Variants in MAST2 observed in about 807,000 individuals in gnomAD.
MAST2 encodes the protein microtubule-associated serine/threonine-protein kinase 2.
In MAST2, 70 loss-of-function variants were observed where a neutral mutation model predicts 147.4. The observed-to-expected ratio is 0.47, with a 90% confidence interval of 0.39 to 0.58. The LOEUF (loss-of-function observed/expected upper bound fraction) is 0.58, where lower values mean the gene tolerates loss of function less well. Ranked by LOEUF, MAST2 falls within the 20% of genes least tolerant of loss-of-function variation. The pLI is 0.00. For missense variants in MAST2, 2,080 were observed against 2,302.3 expected, an observed-to-expected ratio of 0.90 and a Z score of 1.98; for synonymous variants, 869 against 896.8, an observed-to-expected ratio of 0.97 and a Z score of 0.55.
chr1:45,904,297 CT>C (rs1362090571), intron 4 of MAST2, among the ~76,000 whole-genome samples: 2 of 152,102 alleles, frequency 1.3e-5, no homozygotes, highest in African/African-American at 4.8e-5. Flanking sequence ...CCTCAGCCCC[CT>C]GAGTAGCTGG....
At chr1:46,003,766 C>T (rs1180194193) in intron 7 of MAST2, among the ~76,000 whole-genome samples, 4 of 152,130 alleles carry the variant, frequency 2.6e-5, no homozygotes, top group Non-Finnish European at 5.9e-5. Context: ...CACACCCAGC[C>T]GAGCAACTTT....
chr1:45,852,632 A>G (rs1335302185), intron 3 of MAST2, among the ~76,000 whole-genome samples: 1 of 151,760 alleles, frequency 6.6e-6, no homozygotes, highest in Non-Finnish European at 1.5e-5. Context: ...CAGCCTTCCA[A>G]AGTGTTGGAA....
intron 12 of MAST2, among the ~76,000 whole-genome samples, 194 bp downstream of exon 12, chr1:46,022,276 G>T (rs996282509): frequency 6.6e-6 from 1 of 152,204 alleles, no homozygotes; most frequent in Non-Finnish European, 1.5e-5. Context: ...GTTCACATCT[G>T]CCTGATAGAT....
rs1196491239 is a variant in MAST2, at chr1:46,025,711, G to T, written c.1815G>T (p.Gly605=). The change falls in exon 16 of 29, where the codon GGG becomes GGT. Residue 605 remains glycine (G), a synonymous_variant. Transcript: ENST00000361297. The part of the protein sequence containing the change: ...GDCATLLKNI[G]ALPVDMVRLY... ...GTGCCACTCTGCTGAAGAATATTGGGGCCCTGCCTGTGGACATGGTGCGTC... is the reference window on the plus strand; with the variant it reads ...GTGCCACTCTGCTGAAGAATATTGGTGCCCTGCCTGTGGACATGGTGCGTC... 6.2e-7 allele frequency: 1 copy of T among 1,614,166 alleles called. No individual in the cohort carries two copies. The highest frequency in any genetic ancestry group is 1.3e-5 in the African/African-American group (1 of 75,036).
At chr1:45,809,693 ACT>A (rs1644239098) in intron 1 of MAST2, among the ~76,000 whole-genome samples, 1 of 151,892 alleles carries the variant, frequency 6.6e-6, no homozygotes. Context: ...CCAAAAAGAA[ACT>A]CTTCTGCAAA....
chr1:45,836,548 A>T (rs1231680768), intron 3 of MAST2, among the ~76,000 whole-genome samples: 3 of 152,114 alleles, frequency 2.0e-5, no homozygotes. Context: ...AAACCCATAG[A>T]CGTTTGTTTT....
At chr1:45,986,404 A>G (rs1644618066) in intron 5 of MAST2, among the ~76,000 whole-genome samples, 1 of 151,870 alleles carries the variant, frequency 6.6e-6, no homozygotes. Context: ...ATTTGCTCCC[A>G]CCTCCCATTA....
At chr1:45,931,031 A>G (rs1216709569) in intron 4 of MAST2, among the ~76,000 whole-genome samples, 1 of 152,206 alleles carries the variant, frequency 6.6e-6, no homozygotes, top group African/African-American at 2.4e-5. Flanking sequence ...TTTTCATAAC[A>G]GTACAGCCAT....
intron 5 of MAST2, among the ~76,000 whole-genome samples, chr1:45,962,103 T>C (rs1275384837): frequency 6.6e-6 from 1 of 152,046 alleles, no homozygotes; most frequent in East Asian, 1.9e-4. Context: ...CATGAACTCA[T>C]CATTTTTTAT....
In MAST2 at chr1:45,910,112, GT is replaced by G. The variant is rs57335268; in HGVS notation, c.500+27731del. Among the ~76,000 whole-genome samples the G allele has an allele frequency of 1.0e-3, 143 of 141,246 alleles. No homozygotes were observed. In the East Asian group the frequency reaches 0.014, roughly 13 times the overall value. 92.7% of individuals were successfully genotyped at this position (141,246 alleles called of 152,430 possible). ...GTGTAAGTACTTTTTGTGTGCAGTT[GT>G]TTTTTTTTTTTTTCCCCAAATTTAA... On this transcript the variant is annotated intron_variant, in intron 4 of 28. Transcript: ENST00000361297.
intron 4 of MAST2, among the ~76,000 whole-genome samples, chr1:45,921,537 G>A (rs1404865741): frequency 6.6e-6 from 1 of 152,192 alleles, no homozygotes; most frequent in Admixed American, 6.5e-5. Flanking sequence ...TCCGGCCACT[G>A]CACGCAGTCA....
At chr1:45,871,213 C>G (rs1646378349) in intron 3 of MAST2, among the ~76,000 whole-genome samples, 1 of 140,860 alleles carries the variant, frequency 7.1e-6, no homozygotes, top group African/African-American at 2.7e-5. Flanking sequence ...CTATGCCTTA[C>G]TGTCCCCTTT....
chr1:45,818,329 C>A (rs866389313), intron 1 of MAST2, among the ~76,000 whole-genome samples: 1 of 152,164 alleles, frequency 6.6e-6, no homozygotes, highest in Non-Finnish European at 1.5e-5. Flanking sequence ...TTATTTGATG[C>A]AAGTTTGGCT....
intron 3 of MAST2, among the ~76,000 whole-genome samples, chr1:45,837,181 T>C (rs1199147278): frequency 6.6e-6 from 1 of 152,142 alleles, no homozygotes; most frequent in Non-Finnish European, 1.5e-5. Flanking sequence ...ATACAGCTCA[T>C]CTCCTGCCAT....
At chr1:45,977,813 A>AG (rs1644233660) in intron 5 of MAST2, among the ~76,000 whole-genome samples, 1 of 151,720 alleles carries the variant, frequency 6.6e-6, no homozygotes, top group Admixed American at 6.6e-5. Context: ...AAAAAAAAAA[A>AG]AAAGTTCTGG....
Position 45,994,274 on chromosome 1 carries a change from CTTTTTTTTTTTTTT to C in MAST2, c.593-3438_593-3425del, listed in dbSNP as rs869216588. ...GCAAGTGGCTCAAAGCCCTAACCCT[CTTTTTTTTTTTTTT>C]TTTTTTTTTTTGAGAAGGAGTTTCA... On this transcript the variant is annotated intron_variant, in intron 5 of 28. Transcript: ENST00000361297. Among the ~76,000 whole-genome samples, 58 of 62,040 alleles carry C rather than the reference CTTTTTTTTTTTTTT, an allele frequency of 9.3e-4. 1 individual carries two copies. The East Asian group carries it at 0.023, about 25-fold the overall frequency. 40.7% of individuals were successfully genotyped at this position (62,040 alleles called of 152,430 possible).
chr1:45,990,392 G>A (rs375060746), intron 5 of MAST2, among the ~76,000 whole-genome samples: 8 of 151,994 alleles, frequency 5.3e-5, no homozygotes, highest in Non-Finnish European at 1.2e-4. Flanking sequence ...TGGGTTGTTT[G>A]TTTTCTTGTT....
intron 5 of MAST2, among the ~76,000 whole-genome samples, chr1:45,968,406 C>G (rs190475026): frequency 6.7e-4 from 99 of 147,746 alleles, no homozygotes; most frequent in African/African-American, 2.4e-3. Flanking sequence ...TAGGGAAAAT[C>G]TTTATTTCTT....
chr1:45,892,841 A>G (rs1196860238), intron 4 of MAST2, among the ~76,000 whole-genome samples: 1 of 152,236 alleles, frequency 6.6e-6, no homozygotes, highest in Non-Finnish European at 1.5e-5. Context: ...AATGAGAGTA[A>G]TAAGGCCAGT....
Sources: gnomAD v4.1 joint callset for allele counts (sites outside exome capture counted in the v4.1 genomes callset) on GRCh38, gnomAD v4.1.1 for gene constraint, MANE v1.5 for transcripts, NCBI Gene and HGNC (gene_info 2026-07-23, HGNC 2026-07-21) for gene names.